The following BMAL1 variants were observed in gnomAD, a reference collection of about 807,000 sequenced individuals.
The protein encoded by BMAL1 is basic helix-loop-helix ARNT like 1, also known as basic helix-loop-helix ARNT-like protein 1.
At chr11:13,318,360 CTG>C in the BMAL1 span, among the ~76,000 whole-genome samples, 100 of 152,246 alleles carry the variant, frequency 6.6e-4, no homozygotes, top group African/African-American at 2.3e-3. Context: ...TCTCTCCTCT[CTG>C]TGGGATTTCC....
chr11:13,378,775 TTTC>T, the BMAL1 span: 1 of 285,806 alleles, frequency 3.5e-6, no homozygotes, highest in Non-Finnish European at 6.5e-6. Flanking sequence ...AAGACTTAAC[TTTC>T]TTATGGCTCA....
the BMAL1 span, among the ~76,000 whole-genome samples, chr11:13,360,754 A>G: frequency 6.6e-6 from 1 of 152,208 alleles, no homozygotes; most frequent in African/African-American, 2.4e-5. Flanking sequence ...GAAACCAACA[A>G]CAATTGAGAA....
the BMAL1 span, among the ~76,000 whole-genome samples, chr11:13,303,560 T>G: frequency 6.6e-6 from 1 of 152,194 alleles, no homozygotes; most frequent in Admixed American, 6.5e-5. Flanking sequence ...ACTGCACTTC[T>G]CTGCAGAAAA....
the BMAL1 span, among the ~76,000 whole-genome samples, chr11:13,314,229 CCA>C: frequency 0.064 from 8,853 of 138,436 alleles, 323 homozygotes; most frequent in African/African-American, 0.11. Flanking sequence ...AGGGTGGAGA[CCA>C]CACACACACA....
At chr11:13,284,709 C>T in the BMAL1 span, among the ~76,000 whole-genome samples, 200 of 152,124 alleles carry the variant, frequency 1.3e-3, no homozygotes, top group Admixed American at 3.2e-3. Context: ...TTTGCCCCCT[C>T]GTACTTAGAC....
the BMAL1 span, among the ~76,000 whole-genome samples, chr11:13,327,278 G>A: frequency 3.9e-5 from 6 of 152,076 alleles, no homozygotes; most frequent in Non-Finnish European, 8.8e-5. Context: ...GAAATAACAT[G>A]TAATTTCCTA....
the BMAL1 span, among the ~76,000 whole-genome samples, chr11:13,314,962 TAA>T: frequency 6.6e-6 from 1 of 152,216 alleles, no homozygotes; most frequent in African/African-American, 2.4e-5. Context: ...CAATAGCATA[TAA>T]ACTCTCCTGT....
the BMAL1 span, chr11:13,369,902 T>G: frequency 8.9e-7 from 1 of 1,119,862 alleles, no homozygotes; most frequent in Non-Finnish European, 1.3e-6. Flanking sequence ...GACAGGACCC[T>G]GCAGTCCTCC....
the BMAL1 span, chr11:13,356,693 G>A: frequency 9.9e-6 from 16 of 1,610,518 alleles, no homozygotes; most frequent in Non-Finnish European, 1.3e-5. Context: ...AAGCTCTTCT[G>A]TATGTCTTTA....
chr11:13,338,154 A>G, the BMAL1 span, among the ~76,000 whole-genome samples: 1 of 152,208 alleles, frequency 6.6e-6, no homozygotes, highest in Non-Finnish European at 1.5e-5. Context: ...TCCAAAGCTC[A>G]GAAAAATGAA....
chr11:13,321,093 C>A, the BMAL1 span, among the ~76,000 whole-genome samples: 1 of 152,188 alleles, frequency 6.6e-6, no homozygotes, highest in African/African-American at 2.4e-5. Flanking sequence ...TTTCCCTTCA[C>A]TCTGCCTTTC....
At chr11:13,376,583 G>C in the BMAL1 span, 3 of 1,563,106 alleles carry the variant, frequency 1.9e-6, no homozygotes, top group Non-Finnish European at 8.8e-7. Flanking sequence ...CAAGTTGAAT[G>C]GTGCACAGTT....
the BMAL1 span, chr11:13,376,855 A>T: frequency 2.5e-6 from 2 of 816,268 alleles, no homozygotes; most frequent in South Asian, 3.6e-5. Context: ...CCTCGAGGGG[A>T]TGATGTGCGG....
At chr11:13,292,387 CA>C in the BMAL1 span, among the ~76,000 whole-genome samples, 19 of 147,306 alleles carry the variant, frequency 1.3e-4, no homozygotes, top group African/African-American at 2.2e-4. Flanking sequence ...ACTAAAAATA[CA>C]AAAAAAAAAT....
the BMAL1 span, among the ~76,000 whole-genome samples, chr11:13,339,835 C>T: frequency 6.6e-6 from 1 of 152,142 alleles, no homozygotes. Context: ...ACATAACTTA[C>T]TTGTTTCGTT....
chr11:13,369,514 A>C, the BMAL1 span: 1 of 1,354,514 alleles, frequency 7.4e-7, no homozygotes. Context: ...TCATCATTAT[A>C]AAACAGTGAG....
chr11:13,331,951 C>T, the BMAL1 span, among the ~76,000 whole-genome samples: 12 of 151,746 alleles, frequency 7.9e-5, no homozygotes, highest in Admixed American at 2.6e-4. Context: ...GCGAAGAGGC[C>T]GGGCGGGGTT....
chr11:13,354,200 G>A, the BMAL1 span: 1 of 364,714 alleles, frequency 2.7e-6, no homozygotes, highest in Non-Finnish European at 5.3e-6. Flanking sequence ...TCCCCCCCCG[G>A]CCCCCCACCA....
At chr11:13,339,648 A>T in the BMAL1 span, among the ~76,000 whole-genome samples, 12 of 152,020 alleles carry the variant, frequency 7.9e-5, no homozygotes, top group African/African-American at 2.7e-4. Context: ...GTCCCCTAGC[A>T]CTGGGCAGCT....
Sources: gnomAD v4.1 joint callset for allele counts (sites outside exome capture counted in the v4.1 genomes callset) on GRCh38, gnomAD v4.1.1 for gene constraint, MANE v1.5 for transcripts, NCBI Gene and HGNC (gene_info 2026-07-23, HGNC 2026-07-21) for gene names.